The following EXOC3L4 variants were observed in gnomAD, a reference collection of about 807,000 sequenced individuals.
The protein encoded by EXOC3L4 is exocyst complex component 3-like protein 4.
A neutral mutation model predicts 69.7 loss-of-function variants in EXOC3L4; 62 were observed. The observed-to-expected ratio is 0.89, with a 90% CI of 0.72 to 1.10. EXOC3L4 has a LOEUF of 1.10. Ranked by LOEUF, EXOC3L4 falls within the 50% of genes least tolerant of loss-of-function variation. The pLI, the probability that EXOC3L4 is intolerant of heterozygous loss-of-function variation, is 0.00. For missense variants in EXOC3L4, 1,087 were observed against 1,034.8 expected (o/e 1.05, Z -0.69); for synonymous variants, 502 against 464.2 (o/e 1.08, Z -1.05).
At position 103,102,216 on chromosome 14, in the gene EXOC3L4, T is replaced by C; in HGVS notation, c.493T>C (p.Ser165Pro). The change falls in exon 3 of 12, where the codon TCG becomes CCG. Residue 165 changes from serine (S) to proline (P), a missense_variant. Transcript: ENST00000688303. ...GACGCTGCTGGTGGCCGAGAAGGCC[T>C]CGCGCACCTTTGAGCAGGACCCTAC... ...LETLLVAEKA[S>P]RTFEQDPTAF... is the part of the protein sequence containing the mutation. The C allele has an allele frequency of 1.3e-6, 2 of 1,592,510 alleles. No individual in the cohort carries two copies. The highest frequency in any genetic ancestry group is 8.5e-7 in the Non-Finnish European group (1 of 1,170,358).
At chr14:103,104,875 G>A (rs1890446225) in intron 6 of EXOC3L4, 37 bp downstream of exon 6, 1 of 1,528,314 alleles carries the variant, frequency 6.5e-7, no homozygotes, top group Non-Finnish European at 8.8e-7. Context: ...CGACCTGGCC[G>A]GGTGCGCTCT....
At position 103,102,308 on chromosome 14, in the gene EXOC3L4, C is replaced by T; in HGVS notation, c.585C>T (p.Ala195=). 1 of 1,569,464 alleles carries T rather than the reference C, an allele frequency of 6.4e-7. No individual in the cohort carries two copies. Among genetic ancestry groups the T allele is most frequent in the Non-Finnish European group, 8.6e-7 (1 of 1,163,668 alleles). The change falls in exon 3 of 12, where the codon GCC becomes GCT. Residue 195 remains alanine, a synonymous_variant. Transcript: ENST00000688303. The part of the protein sequence containing the change: ...LYDGLAAEIG[A]IVRETLDSDG... ...ACGGGCTGGCAGCCGAGATCGGCGC[C>T]ATCGTGCGCGAGACGCTGGACAGCG...
chr14:103,107,477 T>C lies in EXOC3L4; in HGVS notation c.1635T>C (p.His545=), dbSNP rs77559438. Residue 545 remains histidine (H), a synonymous_variant, in exon 9 of 12, where the codon CAT becomes CAC. Transcript: ENST00000688303. ...ACTGGCTGACGCAGGACTGGCTGCA[T>C]CCCCTCATGGACAAGGTGGTGACCT... ...TRDWLTQDWL[H]PLMDKVVTFA... 215 of 1,613,800 alleles carry C rather than the reference T, an allele frequency of 1.3e-4. No homozygotes were observed. The highest frequency in any genetic ancestry group is 1.8e-4 in the Non-Finnish European group (208 of 1,179,996).
Position 103,108,516 on chromosome 14 carries a change from A to G in EXOC3L4, c.1975A>G (p.Arg659Gly). ...TCTTATCCGGAGCTACCCCGACATC[A>G]GGTGTGTACCCCACCTGCTTCCACT... ...ETLIRSYPDI[R>G]RDHILAILAL... Residue 659 changes from arginine (R) to glycine (G), a missense_variant and splice_region_variant, in exon 11 of 12, where the codon AGG becomes GGG. Arg to Gly is a moderately radical substitution (Grantham distance 125). Coordinates refer to ENST00000688303, the MANE Select transcript of EXOC3L4 (RefSeq NM_001077594.2). 6.2e-7 allele frequency: 1 copy of G among 1,613,108 alleles called. No individual in the cohort carries two copies. Among genetic ancestry groups the G allele is most frequent in the Non-Finnish European group, 8.5e-7 (1 of 1,179,396 alleles).
chr14:103,104,785 G>A lies in EXOC3L4; in HGVS notation c.1332G>A (p.Leu444=), dbSNP rs1468631712. Residue 444 remains leucine, a synonymous_variant, in exon 6 of 12, where the codon CTG becomes CTA. Coordinates refer to ENST00000688303, the MANE Select transcript of EXOC3L4 (RefSeq NM_001077594.2). ...CGGCCGGCGCCATCTCCGCGGAGCTGGAGGCCACCACCCTGCGAATCTGCA... is the reference window on the plus strand; with the variant it reads ...CGGCCGGCGCCATCTCCGCGGAGCTAGAGGCCACCACCCTGCGAATCTGCA... ...VKAAGAISAE[L]EATTLRICTR... 6 of 1,527,172 alleles carry A rather than the reference G, an allele frequency of 3.9e-6. No individual in the cohort carries two copies. Among genetic ancestry groups the A allele is most frequent in the Non-Finnish European group, 5.3e-6 (6 of 1,134,428 alleles). 94.6% of individuals were successfully genotyped at this position (1,527,172 alleles called of 1,614,324 possible).
Position 103,110,443 on chromosome 14 carries a change from A to T in EXOC3L4, c.*220A>T, listed in dbSNP as rs775625912. On this transcript the variant is annotated 3_prime_UTR_variant, in exon 12 of 12. Coordinates refer to ENST00000688303, the MANE Select transcript of EXOC3L4 (RefSeq NM_001077594.2). ...TGAGGGGAGTGTTTTGGGGCCGCAG[A>T]GCTCTCAATGCTGCCTATCGGGCGG... is the stretch of plus-strand genomic sequence containing the variant. 3.0e-6 allele frequency: 2 copies of T among 669,732 alleles called. No homozygotes were observed. The highest frequency in any genetic ancestry group is 3.0e-5 in the South Asian group (2 of 66,166). 41.5% of individuals were successfully genotyped at this position (669,732 alleles called of 1,614,324 possible). A position where few individuals can be genotyped will look rare whatever the true frequency, so the allele number is the denominator to read the frequency against.
At chr14:103,106,239 G>A (rs1890541614) in intron 7 of EXOC3L4, among the ~76,000 whole-genome samples, 1 of 152,222 alleles carries the variant, frequency 6.6e-6, no homozygotes, top group Non-Finnish European at 1.5e-5. Context: ...TGACCATCAG[G>A]CACTGCTTCT....
Position 103,110,281 on chromosome 14 carries a change from C to T in EXOC3L4, c.*58C>T. On this transcript the variant is annotated 3_prime_UTR_variant, in exon 12 of 12. Transcript: ENST00000688303. ...GCAGGGAGCTGTGGTCAGTGGGGGT[C>T]AGCCAGGAGCCCAGGGAGTCACTCT... The T allele has an allele frequency of 6.7e-7, 1 of 1,492,102 alleles. No homozygotes were observed. Among genetic ancestry groups the T allele is most frequent in the Non-Finnish European group, 8.9e-7 (1 of 1,118,766 alleles). The allele number at this position is 1,492,102 out of a possible 1,614,324, so 92.4% of individuals were successfully genotyped here.
chr14:103,103,861 C>T (rs1890368134), intron 3 of EXOC3L4, 80 bp from the exon 4 acceptor site: 1 of 894,030 alleles, frequency 1.1e-6, no homozygotes, highest in Non-Finnish European at 1.7e-6. Context: ...TGGCGTTAGA[C>T]TTTGAGCCTG....
intron 5 of EXOC3L4, 68 bp from the exon 6 acceptor site, chr14:103,104,670 C>A: frequency 7.4e-7 from 1 of 1,352,552 alleles, no homozygotes; most frequent in Non-Finnish European, 9.7e-7. Context: ...GCAGCGGGGG[C>A]TACCAGGGGA....
At chr14:103,100,988 C>T (rs1890158893) in intron 2 of EXOC3L4, among the ~76,000 whole-genome samples, 1 of 151,594 alleles carries the variant, frequency 6.6e-6, no homozygotes, top group African/African-American at 2.4e-5. Context: ...CTGCAACCTC[C>T]ACCTCCCAGG....
rs1234645986 is a variant in EXOC3L4 at position 103,107,509 on chromosome 14, G to A, written c.1667G>A (p.Gly556Asp). Residue 556 changes from glycine (G) to aspartate (D), a missense_variant, in exon 9 of 12, where the codon GGT (glycine) becomes GAT (aspartate). By Grantham distance (94) the Gly-to-Asp change is moderately conservative. Transcript: ENST00000688303. ...PLMDKVVTFA[G>D]HLQRVARPRA... ...ATGGACAAGGTGGTGACCTTCGCCGGTCATCTCCAGCGTGTGGCCCGGCCG... is the reference window on the plus strand; with the variant it reads ...ATGGACAAGGTGGTGACCTTCGCCGATCATCTCCAGCGTGTGGCCCGGCCG... 4 of 1,613,740 alleles carry A rather than the reference G, an allele frequency of 2.5e-6. No individual in the cohort carries two copies. The highest frequency in any genetic ancestry group is 2.5e-6 in the Non-Finnish European group (3 of 1,180,022).
chr14:103,104,162 T>G, intron 4 of EXOC3L4, 105 bp from the exon 5 acceptor site: 1 of 1,446,768 alleles, frequency 6.9e-7, no homozygotes, highest in Non-Finnish European at 9.1e-7. Context: ...GTTCACCCTG[T>G]GGCCCCCGGC....
At position 103,102,612 on chromosome 14, in the gene EXOC3L4, G is replaced by A. The variant is rs9324055; in HGVS notation, c.889G>A (p.Val297Met). The A allele has an allele frequency of 5.1e-3, 7,659 of 1,499,942 alleles. 352 individuals carry two copies. The African/African-American group carries it at 0.099, about 19-fold the overall frequency. 92.9% of individuals were successfully genotyped at this position (1,499,942 alleles called of 1,614,324 possible). Reference sequence around the variant, plus strand: ...CGACCTGCAGAAGGTGCGGCAGGAGGTGCAGCCCGCGTATGCGGCGGCCGG... The same window carrying A: ...CGACCTGCAGAAGGTGCGGCAGGAGATGCAGCCCGCGTATGCGGCGGCCGG... ...RRDLQKVRQEVQPAYAAAGFP... is the reference protein window; with the variant it reads ...RRDLQKVRQEMQPAYAAAGFP... The change falls in exon 3 of 12, where the codon GTG (valine) becomes ATG (methionine). Residue 297 changes from valine to methionine, a missense_variant. Coordinates refer to ENST00000688303, the MANE Select transcript of EXOC3L4 (RefSeq NM_001077594.2).
In EXOC3L4 at chr14:103,106,811, G is replaced by A. The variant is rs1226567526; in HGVS notation, c.1493G>A (p.Gly498Glu). 4 of 1,592,154 alleles carry A rather than the reference G, an allele frequency of 2.5e-6. No individual in the cohort carries two copies. Among genetic ancestry groups the A allele is most frequent in the South Asian group, 1.1e-5 (1 of 87,740 alleles). ...ACCAGTCTTCTCTCCAGGTTCCCAG[G>A]AACCCAAGAGGAGCTGGAGAAGCCC... Reference protein sequence around the residue: ...LRTSLLSRFPGTQEELEKPLV... With the variant: ...LRTSLLSRFPETQEELEKPLV... Residue 498 changes from glycine to glutamate, a missense_variant, in exon 8 of 12, where the codon GGA becomes GAA. Coordinates refer to ENST00000688303, the MANE Select transcript of EXOC3L4 (RefSeq NM_001077594.2).
chr14:103,101,096 C>T (rs563490465), intron 2 of EXOC3L4, among the ~76,000 whole-genome samples: 22 of 151,782 alleles, frequency 1.4e-4, no homozygotes, highest in Non-Finnish European at 2.7e-4. Context: ...TTTAGTAAGA[C>T]GGGGTTTCAC....
rs1225924213 is a variant in EXOC3L4 at position 103,097,627 on chromosome 14, G to A, written c.-16-2577G>A. ...GGGGTGACCGGGGTAGATGGACAGA[G>A]GCTGCCAGCCCAGTGCAGGAGGGCC... On this transcript the variant is annotated intron_variant, in intron 1 of 11. Coordinates refer to ENST00000688303, the MANE Select transcript of EXOC3L4 (RefSeq NM_001077594.2). This position sits in a 1 kb window ranked among gnomAD's most constrained non-coding sequence, Gnocchi z 4.9. Among the ~76,000 whole-genome samples, 1 of 152,216 alleles carries A rather than the reference G, an allele frequency of 6.6e-6. No homozygotes were observed. The highest frequency in any genetic ancestry group is 2.4e-5 in the African/African-American group (1 of 41,452).
chr14:103,100,066 T>C, intron 1 of EXOC3L4, 138 bp from the exon 2 acceptor site: 1 of 928,120 alleles, frequency 1.1e-6, no homozygotes, highest in Non-Finnish European at 1.5e-6. Context: ...AGTGGCCTGG[T>C]GATGCTTCCT....
chr14:103,107,379 C>T (rs368248932), intron 8 of EXOC3L4, 45 bp from the exon 9 acceptor site: 17 of 1,591,496 alleles, frequency 1.1e-5, no homozygotes, highest in Admixed American at 3.4e-5. Context: ...GGTTACGTTG[C>T]GGGCGTAGTG....
Sources: allele counts gnomAD v4.1 joint callset (sites outside exome capture counted in the v4.1 genomes callset), GRCh38; gene constraint gnomAD v4.1.1; non-coding constraint Gnocchi (gnomAD v3.1); transcripts MANE v1.5; gene names NCBI Gene and HGNC (gene_info 2026-07-23, HGNC 2026-07-21).